Variants in COL24A1 observed in about 807,000 individuals in gnomAD.
The protein encoded by COL24A1 is collagen type XXIV alpha 1 chain.
In COL24A1, 224 loss-of-function variants were observed where a neutral mutation model predicts 253.9. The observed-to-expected ratio is 0.88, with a 90% confidence interval of 0.79 to 0.99. The LOEUF is 0.99. COL24A1 is among the 50% of genes least tolerant of loss of function. The pLI is 0.00. For synonymous variants in COL24A1, 685 were observed against 673.7 expected (o/e 1.02, Z -0.26); for missense variants, 2,131 against 2,068.5 (o/e 1.03, Z -0.59).
chr1:86,040,465 C>A (rs1161258854), intron 12 of COL24A1, among the ~76,000 whole-genome samples: 1 of 104,658 alleles, frequency 9.6e-6, no homozygotes, highest in Non-Finnish European at 1.8e-5. Flanking sequence ...TCCCTCCCCC[C>A]TCCCCCCACC....
At chr1:86,100,793 T>C (rs545016145) in intron 5 of COL24A1, among the ~76,000 whole-genome samples, 1 of 152,116 alleles carries the variant, frequency 6.6e-6, no homozygotes, top group Non-Finnish European at 1.5e-5. Flanking sequence ...GAGCTTCTGT[T>C]GGTGAACATG....
At chr1:85,828,970 T>TGTTA (rs1339049774) in intron 43 of COL24A1, among the ~76,000 whole-genome samples, 4 of 151,852 alleles carry the variant, frequency 2.6e-5, no homozygotes, top group African/African-American at 7.3e-5. Flanking sequence ...GTCATTATGC[T>TGTTA]GTTAGCTGGT....
intron 2 of COL24A1, 130 bp downstream of exon 2, chr1:86,145,989 G>T: frequency 2.9e-6 from 2 of 696,150 alleles, no homozygotes; most frequent in Non-Finnish European, 4.7e-6. Flanking sequence ...CATTCTCATG[G>T]TACTGGGTGG....
chr1:85,945,019 T>TTTTTTTTTTTTTTTTTTTTTTG (rs1553237048), intron 24 of COL24A1, among the ~76,000 whole-genome samples: 1 of 73,390 alleles, frequency 1.4e-5, no homozygotes, highest in Non-Finnish European at 2.7e-5. Context: ...TTTTTTTTTT[T>TTTTTTTTTTTTTTTTTTTTTTG]TTTTTTTTTT....
chr1:86,120,206 C>T (rs1422224464), intron 3 of COL24A1, among the ~76,000 whole-genome samples: 2 of 152,146 alleles, frequency 1.3e-5, no homozygotes, highest in South Asian at 4.1e-4. Flanking sequence ...AAAACTTAGG[C>T]AATACCATTC....
At chr1:85,874,142 A>G (rs1412169973) in intron 35 of COL24A1, among the ~76,000 whole-genome samples, 1 of 152,184 alleles carries the variant, frequency 6.6e-6, no homozygotes, top group Non-Finnish European at 1.5e-5. Context: ...AAAACTCCTT[A>G]CCACAGCTCA....
intron 53 of COL24A1, among the ~76,000 whole-genome samples, chr1:85,762,132 G>A (rs1215137666): frequency 6.6e-6 from 1 of 152,126 alleles, no homozygotes; most frequent in Non-Finnish European, 1.5e-5. Flanking sequence ...TTTTCAAAGC[G>A]AAGCAATAAT....
chr1:85,828,593 G>A (rs190679900), intron 43 of COL24A1, among the ~76,000 whole-genome samples: 230 of 150,920 alleles, frequency 1.5e-3, no homozygotes, highest in Non-Finnish European at 2.6e-3. Flanking sequence ...CTTGCTTTGT[G>A]AATCTGGGTG....
At chr1:85,872,376 T>C (rs1483203335) in intron 35 of COL24A1, among the ~76,000 whole-genome samples, 1 of 152,134 alleles carries the variant, frequency 6.6e-6, no homozygotes, top group African/African-American at 2.4e-5. Context: ...AAAAAGAGCC[T>C]GCATTACCAA....
At chr1:85,758,876 A>G (rs967391488) in intron 55 of COL24A1, among the ~76,000 whole-genome samples, 1 of 152,168 alleles carries the variant, frequency 6.6e-6, no homozygotes, top group Middle Eastern at 3.2e-3. Flanking sequence ...TTAAAAATAT[A>G]CAATTCAGTT....
intron 37 of COL24A1, among the ~76,000 whole-genome samples, chr1:85,855,033 C>A (rs1678267272): frequency 6.6e-6 from 1 of 151,976 alleles, no homozygotes; most frequent in Non-Finnish European, 1.5e-5. Context: ...TGTTTCTCAG[C>A]TGGGATGTTA....
chr1:85,861,425 T>C (rs1182315808), intron 37 of COL24A1, among the ~76,000 whole-genome samples: 1 of 152,182 alleles, frequency 6.6e-6, no homozygotes, highest in Non-Finnish European at 1.5e-5. Flanking sequence ...ACTTTCTTGA[T>C]TGTGTCCTAT....
intron 19 of COL24A1, among the ~76,000 whole-genome samples, chr1:85,995,027 T>C (rs1287518398): frequency 6.6e-6 from 1 of 152,176 alleles, no homozygotes; most frequent in Non-Finnish European, 1.5e-5. Flanking sequence ...CACAGCTCAA[T>C]TCCATATGTG....
At chr1:86,081,055 A>T (rs1181711819) in intron 7 of COL24A1, among the ~76,000 whole-genome samples, 2 of 152,174 alleles carry the variant, frequency 1.3e-5, no homozygotes, top group Non-Finnish European at 2.9e-5. Context: ...AAATAAAAAA[A>T]TTATAGTAGT....
At chr1:85,850,194 C>T (rs1240784432) in intron 37 of COL24A1, among the ~76,000 whole-genome samples, 1 of 151,952 alleles carries the variant, frequency 6.6e-6, no homozygotes, top group Non-Finnish European at 1.5e-5. Context: ...AATGGTTAGG[C>T]TTAAGTGAGT....
chr1:86,003,836 A>G (rs1288170040), intron 19 of COL24A1, among the ~76,000 whole-genome samples: 1 of 152,116 alleles, frequency 6.6e-6, no homozygotes, highest in East Asian at 1.9e-4. Flanking sequence ...GACACATGGG[A>G]TTAGGCAAAG....
intron 47 of COL24A1, among the ~76,000 whole-genome samples, chr1:85,802,842 T>A (rs1343329937): frequency 1.3e-5 from 2 of 152,210 alleles, no homozygotes; most frequent in African/African-American, 4.8e-5. Context: ...ACAGCATGTA[T>A]CTTTTTGTCT....
At chr1:85,754,550 T>TA (rs34069021) in intron 55 of COL24A1, among the ~76,000 whole-genome samples, 65,702 of 110,696 alleles carry the variant, frequency 0.59, 18,434 homozygotes, top group South Asian at 0.69. Flanking sequence ...AAAAAAAAAT[T>TA]AAAAAAAAAA....
intron 20 of COL24A1, 134 bp downstream of exon 20, chr1:85,987,467 A>G: frequency 2.6e-6 from 2 of 780,864 alleles, no homozygotes; most frequent in South Asian, 3.4e-5. Flanking sequence ...CCTAAAGTTT[A>G]TTAAATGTAC....
Sources: allele counts gnomAD v4.1 joint callset (sites outside exome capture counted in the v4.1 genomes callset), GRCh38; gene constraint gnomAD v4.1.1; transcripts MANE v1.5; gene names NCBI Gene and HGNC (gene_info 2026-07-23, HGNC 2026-07-21).